Variants in PKLR observed in about 807,000 individuals in gnomAD.
PKLR encodes the protein pyruvate kinase L/R, also known as pyruvate kinase PKLR.
A neutral mutation model predicts 53.6 loss-of-function variants in PKLR; 38 were observed. The ratio of observed to expected loss-of-function variants is 0.71; its 90% CI spans 0.55 to 0.93. PKLR has a LOEUF of 0.93. Ranked by LOEUF, PKLR falls within the 40% of genes least tolerant of loss-of-function variation. The pLI is 0.00. For missense variants in PKLR, 702 were observed against 787.3 expected (o/e 0.89, Z 1.30); for synonymous variants, 328 against 316.2 (o/e 1.04, Z -0.39).
chr1:155,299,304 C>A (rs530605659), intron 2 of PKLR, among the ~76,000 whole-genome samples: 28 of 151,418 alleles, frequency 1.8e-4, no homozygotes, highest in Non-Finnish European at 3.2e-4. Flanking sequence ...GATCCTCCCA[C>A]CTCAGCCTCC....
Position 155,290,290 on chromosome 1 carries a change from G to A in PKLR, c.*282C>T, listed in dbSNP as rs1394082961. 2.0e-6 allele frequency: 1 copy of A among 494,696 alleles called. No individual in the cohort carries two copies. The highest frequency in any genetic ancestry group is 3.7e-6 in the Non-Finnish European group (1 of 271,460). The allele number at this position is 494,696 out of a possible 1,614,324, so 30.6% of individuals were successfully genotyped here. On this transcript the variant is annotated 3_prime_UTR_variant, in exon 11 of 11. Coordinates refer to ENST00000342741, the MANE Select transcript of PKLR (RefSeq NM_000298.6). The stretch of plus-strand genomic sequence containing the variant: ...CTCAAGGCATCTTAGGGCCTGCTGA[G>A]CAGATTGGATGCAGGGAATGTACAA...
At chr1:155,307,295 T>C in the PKLR span, among the ~76,000 whole-genome samples, 2 of 152,244 alleles carry the variant, frequency 1.3e-5, no homozygotes, top group South Asian at 2.1e-4. Context: ...CACGGAATCA[T>C]ACAGTATCTG....
rs759038277 is a variant in PKLR at position 155,295,803 on chromosome 1, G to C, written c.284-47C>G. Reference sequence around the variant, plus strand: ...CAGACAACGTTCCCCCAGAACATGAGAGGCAACCAAACCCAACCCATTACC... The same window carrying C: ...CAGACAACGTTCCCCCAGAACATGACAGGCAACCAAACCCAACCCATTACC... On this transcript the variant is annotated intron_variant, in intron 2 of 10. Transcript: ENST00000342741. This position sits in a 1 kb window ranked among gnomAD's most constrained non-coding sequence, Gnocchi z 4.3. 1 of 1,551,468 alleles carries C rather than the reference G, an allele frequency of 6.4e-7. No homozygotes were observed. Among genetic ancestry groups the C allele is most frequent in the East Asian group, 2.2e-5 (1 of 44,586 alleles).
At chr1:155,299,034 CTCTTTCT>C (rs1557963503) in intron 2 of PKLR, among the ~76,000 whole-genome samples, 3,637 of 60,966 alleles carry the variant, frequency 0.06, 267 homozygotes, top group East Asian at 0.25. Flanking sequence ...TTCTTTCTTT[CTCTTTCT>C]TTCTTTCTTT....
At chr1:155,300,893 T>A in intron 1 of PKLR, 1 of 1,611,262 alleles carries the variant, frequency 6.2e-7, no homozygotes, top group East Asian at 2.2e-5. Context: ...TCCATGCCAC[T>A]GCACACCTCT....
intron 2 of PKLR, among the ~76,000 whole-genome samples, chr1:155,299,674 T>C (rs1557964174): frequency 6.7e-6 from 1 of 150,308 alleles, no homozygotes; most frequent in Non-Finnish European, 1.5e-5. Context: ...GCCCGGCTAA[T>C]TTTGTATTTT....
chr1:155,292,476 A>G (rs954326129), intron 9 of PKLR, among the ~76,000 whole-genome samples: 10 of 152,122 alleles, frequency 6.6e-5, no homozygotes, highest in Non-Finnish European at 1.5e-4. Context: ...TCTCTACTAA[A>G]AATACAAAAA....
intron 1 of PKLR, among the ~76,000 whole-genome samples, chr1:155,300,594 A>T (rs982091931): frequency 6.6e-6 from 1 of 152,026 alleles, no homozygotes; most frequent in African/African-American, 2.4e-5. Context: ...CCACTCAGTT[A>T]TACTGACCCC....
upstream of PKLR, among the ~76,000 whole-genome samples, chr1:155,303,222 C>T (rs1189469097): frequency 1.3e-5 from 2 of 152,228 alleles, no homozygotes; most frequent in Non-Finnish European, 2.9e-5. Flanking sequence ...CAACCAGCCC[C>T]ATCTTGGGAT....
chr1:155,294,694 G>A lies in PKLR; in HGVS notation c.753C>T (p.Gly251=), dbSNP rs1459538361. 2.5e-6 allele frequency: 4 copies of A among 1,613,800 alleles called. No homozygotes were observed. The highest frequency in any genetic ancestry group is 1.3e-5 in the African/African-American group (1 of 74,926). The change falls in exon 6 of 11, where the codon GGC becomes GGT. Residue 251 remains glycine (G), a synonymous_variant. Transcript: ENST00000342741. ...ENGGVLGSRK[G]VNLPGAQVDL... The stretch of plus-strand genomic sequence containing the variant: ...CCACCTGGGCCCCTGGCAAGTTCAC[G>A]CCCTTCCGGCTGCCCAGGACGCCGC...
At position 155,290,693 on chromosome 1, in the gene PKLR, G is replaced by A; in HGVS notation, c.1619-15C>T. On this transcript the variant is annotated splice_polypyrimidine_tract_variant and intron_variant, in intron 10 of 10. Transcript: ENST00000342741. ...ACGGAGCTTTCCTGGGGGAGGGAAA[G>A]AAAACAAATCATTGGACAGGTGTGG... 2.0e-6 allele frequency: 3 copies of A among 1,512,052 alleles called. No individual in the cohort carries two copies. Among genetic ancestry groups the A allele is most frequent in the South Asian group, 1.1e-5 (1 of 88,810 alleles). The allele number at this position is 1,512,052 out of a possible 1,614,324, so 93.7% of individuals were successfully genotyped here.
intron 2 of PKLR, among the ~76,000 whole-genome samples, chr1:155,299,026 CT>C (rs1190490055): frequency 1.1e-5 from 1 of 92,414 alleles, no homozygotes; most frequent in Non-Finnish European, 2.1e-5. Flanking sequence ...TTCTTTCTTT[CT>C]TTCTTTCTCT....
chr1:155,291,272 C>T (rs1362695410), intron 10 of PKLR, among the ~76,000 whole-genome samples: 2 of 151,820 alleles, frequency 1.3e-5, no homozygotes, highest in East Asian at 1.9e-4. Context: ...CCGAGGCGGG[C>T]GGATCACGTG....
At position 155,294,220 on chromosome 1, in the gene PKLR, G is replaced by A. The variant is rs1286872793; in HGVS notation, c.1116+15C>T. The A allele has an allele frequency of 1.5e-5, 25 of 1,613,842 alleles. No homozygotes were observed. Among genetic ancestry groups the A allele is most frequent in the Non-Finnish European group, 2.0e-5 (24 of 1,179,814 alleles). ...AAACCCACAGAGTGCCGAACCTCAA[G>A]GCCTCACTCCAGACCTGTGTGGCAC... On this transcript the variant is annotated intron_variant, in intron 7 of 10. Coordinates refer to ENST00000342741, the MANE Select transcript of PKLR (RefSeq NM_000298.6).
At position 155,293,599 on chromosome 1, in the gene PKLR, C is replaced by CAGCG; in HGVS notation, c.1117-13_1117-10dup. The CAGCG allele has an allele frequency of 6.2e-7, 1 of 1,614,084 alleles. No individual in the cohort carries two copies. The highest frequency in any genetic ancestry group is 8.5e-7 in the Non-Finnish European group (1 of 1,179,952). The stretch of plus-strand genomic sequence containing the variant: ...ATCATGCTCTCCAGCATCTGGGGGA[C>CAGCG]AGCGTGGATGTCAAAGTTGTAGGAC... On this transcript the variant is annotated splice_polypyrimidine_tract_variant and intron_variant, in intron 7 of 10. Transcript: ENST00000342741. This position sits in a 1 kb window ranked among gnomAD's most constrained non-coding sequence, Gnocchi z 4.2.
chr1:155,300,742 C>T, intron 1 of PKLR: 1 of 960,918 alleles, frequency 1.0e-6, no homozygotes, highest in East Asian at 2.6e-5. Context: ...CTGTTTTCTC[C>T]CTTCCAACCC....
In PKLR at chr1:155,294,618, C is replaced by T. The variant is rs147689373; in HGVS notation, c.829G>A (p.Glu277Lys). Residue 277 changes from glutamate to lysine, a missense_variant, in exon 6 of 11, where the codon GAG (glutamate) becomes AAG (lysine). Glu to Lys is a moderately conservative substitution (Grantham distance 56). Around this residue, in one of 2 missense-constraint regions of PKLR, gnomAD observed 519 missense variants for 537.1 expected, o/e 0.97. Transcript: ENST00000342741. ...QDVRDLRFGV[E>K]HGVDIVFASF... ...GCAAAGACGATGTCCACCCCATGCT[C>T]CACCCCGAAGCGCAGGTCTCGGACG... The T allele has an allele frequency of 5.0e-4, 802 of 1,614,216 alleles. 4 individuals carry two copies. The African/African-American group carries it at 8.9e-3, about 18-fold the overall frequency.
chr1:155,307,188 C>T, the PKLR span, among the ~76,000 whole-genome samples: 1 of 152,242 alleles, frequency 6.6e-6, no homozygotes, highest in East Asian at 1.9e-4. Context: ...TCTGGGATTA[C>T]AGGCGTGAGC....
rs750102822 is a variant in PKLR, at chr1:155,295,171, C to A, written c.639G>T (p.Val213=). The change falls in exon 5 of 11, where the codon GTG becomes GTT. Residue 213 remains valine, a synonymous_variant. Transcript: ENST00000342741. This position sits in a 1 kb window ranked among gnomAD's most constrained non-coding sequence, Gnocchi z 4.3. ...CGTCGTCAATGTAGATGCGGCCCCC[C>A]ACCGGCACGACCCGGACAATATTGG... ...DYPNIVRVVP[V]GGRIYIDDGL... is the part of the protein sequence containing the mutation. 3.7e-6 allele frequency: 6 copies of A among 1,614,152 alleles called. No homozygotes were observed. The South Asian group carries it at 6.6e-5, about 18-fold the overall frequency.
Sources: gnomAD v4.1 joint callset for allele counts (sites outside exome capture counted in the v4.1 genomes callset) on GRCh38, gnomAD v4.1.1 for gene constraint, gnomAD v4.1.1 regional missense constraint, Gnocchi (gnomAD v3.1) non-coding constraint, MANE v1.5 for transcripts, NCBI Gene and HGNC (gene_info 2026-07-23, HGNC 2026-07-21) for gene names.